The following KCNH8 variants were observed in gnomAD, a reference collection of about 807,000 sequenced individuals.
KCNH8 encodes the protein potassium voltage-gated channel subfamily H member 8, also known as voltage-gated delayed rectifier potassium channel KCNH8.
Under a neutral mutation model 103.6 loss-of-function variants are expected in KCNH8, and 70 were observed. The observed-to-expected ratio is 0.68, with a 90% CI of 0.56 to 0.82. The LOEUF (loss-of-function observed/expected upper bound fraction) is 0.82, where lower values mean the gene tolerates loss of function less well. Ranked by LOEUF, KCNH8 falls within the 40% of genes least tolerant of loss-of-function variation. The pLI, the probability that KCNH8 is intolerant of heterozygous loss-of-function variation, is 0.00. For missense variants in KCNH8, 1,217 were observed against 1,329.9 expected (o/e 0.92, Z 1.32); for synonymous variants, 498 against 489.4 (o/e 1.02, Z -0.23).
chr3:19,356,005 G>A (rs7614189), intron 5 of KCNH8, among the ~76,000 whole-genome samples: 2,612 of 151,304 alleles, frequency 0.017, 69 homozygotes, highest in African/African-American at 0.06. Flanking sequence ...AATCAATTAG[G>A]GCACAATTGT....
chr3:19,376,649 A>G (rs773461978), intron 5 of KCNH8, among the ~76,000 whole-genome samples: 2 of 152,176 alleles, frequency 1.3e-5, no homozygotes, highest in Non-Finnish European at 2.9e-5. Flanking sequence ...TAAATTTACT[A>G]ATGTATTGCC....
intron 2 of KCNH8, among the ~76,000 whole-genome samples, chr3:19,254,856 T>C (rs1459941896): frequency 6.6e-6 from 1 of 152,128 alleles, no homozygotes; most frequent in African/African-American, 2.4e-5. Context: ...GGCCAAGATA[T>C]ATGAGAAGGA....
chr3:19,522,024 C>T (rs1175898242), intron 15 of KCNH8, among the ~76,000 whole-genome samples: 3 of 151,854 alleles, frequency 2.0e-5, no homozygotes, highest in Non-Finnish European at 2.9e-5. Flanking sequence ...CTCACCCAAG[C>T]GTGCTTTGGT....
chr3:19,264,307 G>A (rs1037923560), intron 2 of KCNH8, among the ~76,000 whole-genome samples: 9 of 152,128 alleles, frequency 5.9e-5, no homozygotes, highest in Admixed American at 3.3e-4. Flanking sequence ...CTGCCTTGCC[G>A]TTTATCTTTC....
chr3:19,390,433 C>A, intron 5 of KCNH8, 48 bp from the exon 6 acceptor site: 1 of 1,405,742 alleles, frequency 7.1e-7, no homozygotes, highest in Non-Finnish European at 9.8e-7. Flanking sequence ...CTTCTTTATT[C>A]TTCTCTGTCT....
Position 19,355,698 on chromosome 3 carries a change from A to G in KCNH8, c.811+7733A>G, listed in dbSNP as rs535168699. Reference sequence around the variant, plus strand: ...AATTGAACAATGAGAATACTTGGACACAGGGTGGGGAACATCACACACCAG... The same window carrying G: ...AATTGAACAATGAGAATACTTGGACGCAGGGTGGGGAACATCACACACCAG... On this transcript the variant is annotated intron_variant, in intron 5 of 15. Coordinates refer to ENST00000328405, the MANE Select transcript of KCNH8 (RefSeq NM_144633.3). Among the ~76,000 whole-genome samples, 4 of 152,180 alleles carry G rather than the reference A, an allele frequency of 2.6e-5. No individual in the cohort carries two copies. The South Asian group carries it at 8.3e-4, about 32-fold the overall frequency.
chr3:19,325,382 T>C (rs1387938514), intron 3 of KCNH8, among the ~76,000 whole-genome samples: 1 of 152,124 alleles, frequency 6.6e-6, no homozygotes, highest in Non-Finnish European at 1.5e-5. Flanking sequence ...CAAAAGACAC[T>C]GTCAATAGAG....
rs866810924 is a variant in KCNH8, at chr3:19,400,986, A to C, written c.1177+5675A>C. ...AGATTCGCATTCTTAAGAATGCATG[A>C]GATAAAGAAAAGAGGAAAAAATCTA... On this transcript the variant is annotated intron_variant, in intron 7 of 15. Transcript: ENST00000328405. Among the ~76,000 whole-genome samples, 14 of 152,114 alleles carry C rather than the reference A, an allele frequency of 9.2e-5. No individual in the cohort carries two copies. In the South Asian group the frequency reaches 1.9e-3, roughly 20 times the overall value.
chr3:19,462,108 G>A (rs1275366813), intron 11 of KCNH8, among the ~76,000 whole-genome samples: 1 of 152,124 alleles, frequency 6.6e-6, no homozygotes, highest in African/African-American at 2.4e-5. Context: ...ACATATGTGT[G>A]CATGTGTCTT....
At chr3:19,209,032 C>T (rs1420230922) in intron 1 of KCNH8, among the ~76,000 whole-genome samples, 1 of 151,834 alleles carries the variant, frequency 6.6e-6, no homozygotes, top group Non-Finnish European at 1.5e-5. Flanking sequence ...ATACCTGTCT[C>T]TCCTGTCTAT....
chr3:19,483,526 C>A (rs1037914109), intron 11 of KCNH8, among the ~76,000 whole-genome samples: 1 of 152,136 alleles, frequency 6.6e-6, no homozygotes, highest in African/African-American at 2.4e-5. Flanking sequence ...AATTTTCATG[C>A]TTCCTATGGC....
chr3:19,313,084 G>A (rs2065227010), intron 3 of KCNH8, among the ~76,000 whole-genome samples: 1 of 151,868 alleles, frequency 6.6e-6, no homozygotes, highest in Admixed American at 6.6e-5. Flanking sequence ...AAATATGAGT[G>A]GTTGCATTGA....
chr3:19,477,833 G>A (rs1188605033), intron 11 of KCNH8, among the ~76,000 whole-genome samples: 1 of 152,002 alleles, frequency 6.6e-6, no homozygotes, highest in Non-Finnish European at 1.5e-5. Flanking sequence ...TTCATATATT[G>A]CATAGTGGTG....
At chr3:19,532,811 A>G (rs888746932) in intron 15 of KCNH8, among the ~76,000 whole-genome samples, 3 of 152,150 alleles carry the variant, frequency 2.0e-5, no homozygotes, top group African/African-American at 7.2e-5. Flanking sequence ...GCTCTTTCAG[A>G]ATGAGGATGT....
At chr3:19,522,384 T>C (rs534156842) in intron 15 of KCNH8, among the ~76,000 whole-genome samples, 6 of 151,934 alleles carry the variant, frequency 3.9e-5, no homozygotes, top group African/African-American at 1.4e-4. Flanking sequence ...GAGCTGACTT[T>C]TTTTTTTTCA....
intron 1 of KCNH8, among the ~76,000 whole-genome samples, chr3:19,173,289 G>A (rs1005534762): frequency 2.0e-5 from 3 of 152,170 alleles, no homozygotes; most frequent in African/African-American, 7.2e-5. Context: ...CACTGGACCG[G>A]CAATGTGAGT....
At chr3:19,450,059 C>T (rs201115270) in intron 8 of KCNH8, 47 bp from the exon 9 acceptor site, 1 of 1,501,644 alleles carries the variant, frequency 6.7e-7, no homozygotes, top group Non-Finnish European at 9.2e-7. Context: ...CGTGGTGGGC[C>T]TCATGTCACA....
intron 7 of KCNH8, among the ~76,000 whole-genome samples, chr3:19,421,355 G>C (rs2066948554): frequency 6.6e-6 from 1 of 152,002 alleles, no homozygotes; most frequent in Non-Finnish European, 1.5e-5. Flanking sequence ...TGTCTTCACT[G>C]TCTTGATCCC....
intron 6 of KCNH8, among the ~76,000 whole-genome samples, chr3:19,392,318 CAAAAAAAAAAA>C (rs10662694): frequency 1.6e-5 from 2 of 125,434 alleles, no homozygotes; most frequent in Non-Finnish European, 3.4e-5. Flanking sequence ...ACATCTGTGT[CAAAAAAAAAAA>C]AAAAAGAAAA....
Sources: gnomAD v4.1 joint callset for allele counts (sites outside exome capture counted in the v4.1 genomes callset) on GRCh38, gnomAD v4.1.1 for gene constraint, MANE v1.5 for transcripts, NCBI Gene and HGNC (gene_info 2026-07-23, HGNC 2026-07-21) for gene names.